ERI1: variants seen among roughly 807,000 people sequenced by gnomAD.
ERI1 encodes exoribonuclease 1.
Under a neutral mutation model 39.7 loss-of-function variants are expected in ERI1, and 39 were observed. The ratio of observed to expected loss-of-function variants is 0.98; its 90% CI spans 0.76 to 1.28. The LOEUF is 1.28. Ranked by LOEUF, ERI1 falls within the 50% of genes most tolerant of loss-of-function variation. ERI1 has a pLI of 0.00. For synonymous variants in ERI1, 204 were observed against 149.6 expected (o/e 1.36, Z -2.65); for missense variants, 581 against 416.9 (o/e 1.39, Z -3.43).
At chr8:9,013,912 T>A (rs1394930005) in intron 3 of ERI1, among the ~76,000 whole-genome samples, 1 of 152,220 alleles carries the variant, frequency 6.6e-6, no homozygotes, top group Non-Finnish European at 1.5e-5. Flanking sequence ...GTGACTTCAT[T>A]CTGATCCTCT....
At chr8:9,009,584 G>T (rs888808196) in intron 2 of ERI1, among the ~76,000 whole-genome samples, 25 of 152,170 alleles carry the variant, frequency 1.6e-4, no homozygotes, top group African/African-American at 6.0e-4. Context: ...TCTGTCGCCA[G>T]GCTGGAGTGC....
intron 3 of ERI1, among the ~76,000 whole-genome samples, chr8:9,077,431 A>T (rs1184131200): frequency 6.6e-6 from 1 of 152,186 alleles, no homozygotes; most frequent in African/African-American, 2.4e-5. Flanking sequence ...CAAATTTATC[A>T]TGTGCCTATG....
At chr8:9,075,405 A>G (rs769861138) in intron 3 of ERI1, among the ~76,000 whole-genome samples, 1 of 152,196 alleles carries the variant, frequency 6.6e-6, no homozygotes, top group Non-Finnish European at 1.5e-5. Flanking sequence ...GAGTTTGTGT[A>G]CAATAATAAG....
Position 9,073,706 on chromosome 8 carries a change from T to C in ERI1, n.300-42642T>C, listed in dbSNP as rs1194698014. 3.3e-5 allele frequency among the ~76,000 whole-genome samples: 5 copies of C among 152,338 alleles called. No homozygotes were observed. The South Asian group carries it at 1.0e-3, about 32-fold the overall frequency. On this transcript the variant is annotated intron_variant and non_coding_transcript_variant, in intron 3 of 3. Coordinates refer to the ERI1 transcript ENST00000518663. Reference sequence around the variant, plus strand: ...ATGCTTCTGGTATGAAATAATTATATTCTTCTGATATTAGAAAGCCTCTTA... The same window carrying C: ...ATGCTTCTGGTATGAAATAATTATACTCTTCTGATATTAGAAAGCCTCTTA...
chr8:9,056,390 T>C (rs569244112), intron 3 of ERI1, among the ~76,000 whole-genome samples: 20 of 152,356 alleles, frequency 1.3e-4, no homozygotes, highest in African/African-American at 4.8e-4. Context: ...GTTGTTAAAC[T>C]ATTAGTGAGT....
downstream of ERI1, among the ~76,000 whole-genome samples, chr8:9,035,665 C>G (rs1797820171): frequency 6.6e-6 from 1 of 152,150 alleles, no homozygotes; most frequent in African/African-American, 2.4e-5. Flanking sequence ...GTTTTAATGC[C>G]TACAAACACA....
In ERI1 at chr8:9,047,509, T is replaced by TA. The variant is rs577769541; in HGVS notation, n.299+27057dup. On this transcript the variant is annotated intron_variant and non_coding_transcript_variant, in intron 3 of 3. Transcript: ENST00000518663. ...GGGCAACATAGCAAGACCCCATCTC[T>TA]AAAAAAAAAAAAGTTTTTAAAATTA... 1.2e-3 allele frequency among the ~76,000 whole-genome samples: 168 copies of TA among 142,786 alleles called. 1 individual carries two copies. Among genetic ancestry groups the TA allele is most frequent in the South Asian group, 4.9e-3 (22 of 4,488 alleles). The allele number at this position is 142,786 out of a possible 152,430, so 93.7% of individuals were successfully genotyped here. A position where few individuals can be genotyped will look rare whatever the true frequency, so the allele number is the denominator to read the frequency against.
At position 9,067,500 on chromosome 8, in the gene ERI1, C is replaced by G. The variant is rs114221338; in HGVS notation, n.299+47036C>G. On this transcript the variant is annotated intron_variant and non_coding_transcript_variant, in intron 3 of 3. Transcript: ENST00000518663. The stretch of plus-strand genomic sequence containing the variant: ...AGAAACCCCATCTCTACAAAAGATG[C>G]AAAAATTAGCTGGGCATGGTGGCAT... 6.3e-3 allele frequency among the ~76,000 whole-genome samples: 947 copies of G among 151,322 alleles called. 10 individuals carry two copies. The highest frequency in any genetic ancestry group is 0.022 in the African/African-American group (921 of 41,260).
At chr8:9,085,058 C>G (rs964098318) in intron 3 of ERI1, among the ~76,000 whole-genome samples, 1 of 152,190 alleles carries the variant, frequency 6.6e-6, no homozygotes, top group East Asian at 1.9e-4. Context: ...GACCTATTCC[C>G]AAGACCTCAT....
At chr8:9,076,908 A>G (rs756288931) in intron 3 of ERI1, among the ~76,000 whole-genome samples, 1 of 152,252 alleles carries the variant, frequency 6.6e-6, no homozygotes, top group South Asian at 2.1e-4. Context: ...TTTAGAAGAT[A>G]GAGATTTATT....
Position 9,020,454 on chromosome 8 carries a change from A to T in ERI1, c.797A>T (p.Asn266Ile). 1 of 1,588,760 alleles carries T rather than the reference A, an allele frequency of 6.3e-7. No individual in the cohort carries two copies. The highest frequency in any genetic ancestry group is 1.8e-5 in the Admixed American group (1 of 56,378). The change falls in exon 6 of 7, where the codon AAT becomes ATT. Residue 266 changes from asparagine to isoleucine, a missense_variant. Coordinates refer to ENST00000250263, the MANE Select transcript of ERI1 (RefSeq NM_153332.4). ...KWINIRKSYGNFYKVPRSQTK... is the reference protein window; with the variant it reads ...KWINIRKSYGIFYKVPRSQTK... ...ATCAATATTCGGAAGTCATATGGAA[A>T]TTTTTACAAGGTAAAATTTCTATAT... is the stretch of plus-strand genomic sequence containing the variant.
chr8:9,041,573 C>T (rs1253532581), intron 3 of ERI1, among the ~76,000 whole-genome samples: 1 of 152,178 alleles, frequency 6.6e-6, no homozygotes, highest in Non-Finnish European at 1.5e-5. Context: ...AAACAACATG[C>T]TCCTGAATGA....
At chr8:9,071,684 C>A (rs750566408) in intron 3 of ERI1, among the ~76,000 whole-genome samples, 20 of 152,310 alleles carry the variant, frequency 1.3e-4, no homozygotes, top group Admixed American at 2.0e-4. Context: ...CCGATGCCTT[C>A]CTTTAAAGAG....
chr8:9,084,840 G>A (rs987480573), intron 3 of ERI1, among the ~76,000 whole-genome samples: 1 of 152,230 alleles, frequency 6.6e-6, no homozygotes, highest in Admixed American at 6.5e-5. Flanking sequence ...TTCTGAAGAA[G>A]CTGAAGTGGA....
At chr8:9,057,584 A>T (rs1798548761) in intron 3 of ERI1, among the ~76,000 whole-genome samples, 1 of 152,180 alleles carries the variant, frequency 6.6e-6, no homozygotes, top group Non-Finnish European at 1.5e-5. Flanking sequence ...TGGGCCCTTT[A>T]TGAGCCAGAC....
intron 3 of ERI1, among the ~76,000 whole-genome samples, chr8:9,042,324 T>C (rs1236613638): frequency 1.3e-5 from 2 of 152,192 alleles, no homozygotes; most frequent in East Asian, 1.9e-4. Flanking sequence ...CTGCAAAAGG[T>C]TCCTAAAATC....
intron 3 of ERI1, among the ~76,000 whole-genome samples, chr8:9,075,769 T>A (rs566353977): frequency 2.6e-5 from 4 of 152,224 alleles, no homozygotes; most frequent in Non-Finnish European, 5.9e-5. Context: ...GGTTTACTAT[T>A]ACAGTGAAAG....
At chr8:9,051,521 G>A (rs377079613) in intron 3 of ERI1, among the ~76,000 whole-genome samples, 15 of 152,142 alleles carry the variant, frequency 9.9e-5, no homozygotes, top group African/African-American at 2.7e-4. Context: ...GCAGGGCATG[G>A]TAGCATGCAC....
intron 3 of ERI1, among the ~76,000 whole-genome samples, chr8:9,052,150 A>G (rs189419711): frequency 6.6e-6 from 1 of 152,344 alleles, no homozygotes; most frequent in East Asian, 1.9e-4. Flanking sequence ...CTCTTATTAC[A>G]CGGGTCTGCC....
Sources: gnomAD v4.1 joint callset for allele counts (sites outside exome capture counted in the v4.1 genomes callset) on GRCh38, gnomAD v4.1.1 for gene constraint, MANE v1.5 for transcripts, NCBI Gene and HGNC (gene_info 2026-07-23, HGNC 2026-07-21) for gene names.